Variants in SBF2 observed in about 807,000 individuals in gnomAD.
The protein encoded by SBF2 is myotubularin-related protein 13.
A neutral mutation model predicts 225.2 loss-of-function variants in SBF2; 112 were observed. The observed-to-expected ratio is 0.50, with a 90% CI of 0.43 to 0.58. The LOEUF is 0.58. Among genes scored for constraint, SBF2 ranks in the 20% least tolerant of loss-of-function variants. SBF2 has a pLI of 0.00. For synonymous variants in SBF2, 763 were observed against 773.3 expected, an observed-to-expected ratio of 0.99 and a Z score of 0.22; for missense variants, 1,996 against 2,206.2, an observed-to-expected ratio of 0.90 and a Z score of 1.91.
intron 2 of SBF2, among the ~76,000 whole-genome samples, chr11:10,059,775 T>C (rs1950365768): frequency 6.6e-6 from 1 of 152,084 alleles, no homozygotes; most frequent in African/African-American, 2.4e-5. Context: ...TGCTCCTGAG[T>C]GATTTTGGGG....
intron 16 of SBF2, among the ~76,000 whole-genome samples, chr11:9,925,175 C>T (rs183718558): frequency 1.3e-5 from 2 of 151,972 alleles, no homozygotes; most frequent in Non-Finnish European, 2.9e-5. Context: ...TTCTGGTAGC[C>T]TAATTTAAAA....
intron 16 of SBF2, among the ~76,000 whole-genome samples, chr11:9,902,241 G>A (rs1861778448): frequency 6.6e-6 from 1 of 152,106 alleles, no homozygotes; most frequent in Non-Finnish European, 1.5e-5. Context: ...CTACCTATGA[G>A]GCTTCATCTA....
At chr11:10,024,221 T>A (rs764289856) in intron 6 of SBF2, among the ~76,000 whole-genome samples, 2 of 152,218 alleles carry the variant, frequency 1.3e-5, no homozygotes, top group Admixed American at 6.5e-5. Context: ...TCCATTTCCA[T>A]AATCAATTAT....
At chr11:10,042,019 A>G (rs1949675135) in intron 3 of SBF2, among the ~76,000 whole-genome samples, 1 of 152,198 alleles carries the variant, frequency 6.6e-6, no homozygotes, top group African/African-American at 2.4e-5. Flanking sequence ...GTAAAACTTA[A>G]AAGCAGAAGT....
chr11:10,102,159 C>T (rs1952335979), intron 2 of SBF2, among the ~76,000 whole-genome samples: 1 of 152,182 alleles, frequency 6.6e-6, no homozygotes, highest in African/African-American at 2.4e-5. Context: ...TTGCTAAATG[C>T]TTTAAAGTCA....
At chr11:10,019,458 G>A (rs900762208) in intron 6 of SBF2, among the ~76,000 whole-genome samples, 1 of 151,958 alleles carries the variant, frequency 6.6e-6, no homozygotes, top group African/African-American at 2.4e-5. Flanking sequence ...AGTAAAATAG[G>A]GCACAAGATG....
intron 16 of SBF2, chr11:9,928,764 C>T (rs797019113): frequency 2.0e-4 from 37 of 183,960 alleles, no homozygotes; most frequent in African/African-American, 5.7e-4. Context: ...TGGAATCTGC[C>T]GTTTGATACT....
At chr11:9,975,691 G>T (rs1176339761) in intron 13 of SBF2, among the ~76,000 whole-genome samples, 1 of 152,006 alleles carries the variant, frequency 6.6e-6, no homozygotes, top group Non-Finnish European at 1.5e-5. Context: ...ACGGGAGGGG[G>T]GTTCAATTTG....
At chr11:9,784,480 T>A in intron 37 of SBF2, 42 bp from the exon 38 acceptor site, 1 of 1,441,632 alleles carries the variant, frequency 6.9e-7, no homozygotes, top group South Asian at 1.1e-5. Flanking sequence ...TGATTTACAC[T>A]TACAAAATGC....
chr11:9,976,477 G>C (rs1442507726), intron 13 of SBF2, among the ~76,000 whole-genome samples: 3 of 152,052 alleles, frequency 2.0e-5, no homozygotes, highest in East Asian at 3.9e-4. Flanking sequence ...AGTGTCTGTA[G>C]TCCCAGCTAC....
At chr11:10,057,719 T>G (rs533568554) in intron 2 of SBF2, among the ~76,000 whole-genome samples, 1 of 152,072 alleles carries the variant, frequency 6.6e-6, no homozygotes, top group Non-Finnish European at 1.5e-5. Context: ...TACCAAGTCA[T>G]GAACTACAGC....
At chr11:10,044,049 C>A (rs887040260) in intron 2 of SBF2, among the ~76,000 whole-genome samples, 6 of 151,982 alleles carry the variant, frequency 3.9e-5, no homozygotes, top group African/African-American at 1.5e-4. Context: ...GAAGAAAGAT[C>A]TAAAGTCAGT....
Position 10,082,453 on chromosome 11 carries a change from T to C in SBF2, c.142-39472A>G, listed in dbSNP as rs147713750. ...GACAAAAAAGAAAACTACATATCAATATCCCTCTTGAACACAGACACAAAA... is the reference window on the plus strand; with the variant it reads ...GACAAAAAAGAAAACTACATATCAACATCCCTCTTGAACACAGACACAAAA... On this transcript the variant is annotated intron_variant, in intron 2 of 39. Coordinates refer to ENST00000256190, the MANE Select transcript of SBF2 (RefSeq NM_030962.4). Among the ~76,000 whole-genome samples the C allele has an allele frequency of 8.7e-4, 132 of 152,194 alleles. 2 individuals are homozygous for C. The highest frequency in any genetic ancestry group is 2.7e-3 in the African/African-American group (114 of 41,536).
intron 2 of SBF2, among the ~76,000 whole-genome samples, chr11:10,088,118 G>C (rs1374097434): frequency 6.6e-6 from 1 of 151,684 alleles, no homozygotes; most frequent in African/African-American, 2.4e-5. Context: ...TGACTTCCTG[G>C]GCTTAGGTGA....
At chr11:10,241,247 G>A (rs573176198) in intron 1 of SBF2, among the ~76,000 whole-genome samples, 3 of 152,082 alleles carry the variant, frequency 2.0e-5, no homozygotes, top group East Asian at 1.9e-4. Context: ...CAGCTACTTG[G>A]GGGGCTGAGG....
intron 2 of SBF2, among the ~76,000 whole-genome samples, chr11:10,049,428 G>A (rs772654320): frequency 5.9e-5 from 9 of 152,098 alleles, no homozygotes; most frequent in Non-Finnish European, 1.0e-4. Context: ...CCAACATGGT[G>A]AAACCCCACT....
intron 1 of SBF2, among the ~76,000 whole-genome samples, chr11:10,231,306 C>G (rs1428878897): frequency 6.6e-6 from 1 of 152,196 alleles, no homozygotes; most frequent in Non-Finnish European, 1.5e-5. Flanking sequence ...CTTCTCTCAA[C>G]TCGTCAAAGT....
At chr11:9,940,199 C>G (rs1865167398) in intron 16 of SBF2, among the ~76,000 whole-genome samples, 1 of 152,132 alleles carries the variant, frequency 6.6e-6, no homozygotes, top group South Asian at 2.1e-4. Flanking sequence ...GTCAAGAGAT[C>G]GAGACCATCC....
chr11:10,239,235 T>C (rs1336475090), intron 1 of SBF2, among the ~76,000 whole-genome samples: 1 of 150,676 alleles, frequency 6.6e-6, no homozygotes, highest in Non-Finnish European at 1.5e-5. Flanking sequence ...GTTTGCAACA[T>C]AAAGCAAGTT....
Sources: gnomAD v4.1 joint callset for allele counts (sites outside exome capture counted in the v4.1 genomes callset) on GRCh38, gnomAD v4.1.1 for gene constraint, MANE v1.5 for transcripts, NCBI Gene and HGNC (gene_info 2026-07-23, HGNC 2026-07-21) for gene names.